The following PARD3 variants were observed in gnomAD, a reference collection of about 807,000 sequenced individuals.
PARD3 encodes partitioning defective 3 homolog.
PARD3 carries 75 observed loss-of-function variants against 155.4 expected under a neutral mutation model. The observed-to-expected ratio is 0.48, with a 90% CI of 0.40 to 0.58. PARD3 has a LOEUF of 0.58. Ranked by LOEUF, PARD3 falls within the 20% of genes least tolerant of loss-of-function variation. The pLI is 0.00. For missense variants in PARD3, 1,642 were observed against 1,721.7 expected (o/e 0.95, Z 0.82); for synonymous variants, 576 against 610.5 (o/e 0.94, Z 0.83).
At chr10:34,537,724 T>C (rs1260629725) in intron 2 of PARD3, among the ~76,000 whole-genome samples, 1 of 152,174 alleles carries the variant, frequency 6.6e-6, no homozygotes, top group East Asian at 1.9e-4. Flanking sequence ...TGCTTAGACA[T>C]CTAAAATCAG....
intron 2 of PARD3, among the ~76,000 whole-genome samples, chr10:34,540,352 C>A (rs1370683075): frequency 1.3e-5 from 2 of 151,058 alleles, no homozygotes; most frequent in Admixed American, 6.6e-5. Flanking sequence ...AAATGCCAAA[C>A]ATAGTATCTG....
intron 22 of PARD3, among the ~76,000 whole-genome samples, chr10:34,201,222 A>G (rs1951194347): frequency 2.0e-5 from 3 of 152,208 alleles, no homozygotes; most frequent in African/African-American, 7.2e-5. Flanking sequence ...CTGAGGATAA[A>G]GGGAACCAAG....
chr10:34,693,656 A>G (rs1217899999), intron 2 of PARD3, among the ~76,000 whole-genome samples: 2 of 152,108 alleles, frequency 1.3e-5, no homozygotes, highest in African/African-American at 4.8e-5. Context: ...CCCCTATGAC[A>G]CTCAATTTAC....
chr10:34,270,407 T>C (rs1215007937), intron 21 of PARD3, among the ~76,000 whole-genome samples: 1 of 152,110 alleles, frequency 6.6e-6, no homozygotes. Context: ...CCTCCCAAAG[T>C]GCTGGGATTA....
At chr10:34,465,499 C>A (rs144976422) in intron 4 of PARD3, among the ~76,000 whole-genome samples, 4 of 152,088 alleles carry the variant, frequency 2.6e-5, no homozygotes, top group Admixed American at 2.0e-4. Context: ...GGAAAGATAG[C>A]AAACATGCTA....
intron 19 of PARD3, among the ~76,000 whole-genome samples, chr10:34,320,261 A>C (rs529025649): frequency 1.3e-5 from 2 of 152,312 alleles, no homozygotes; most frequent in South Asian, 4.1e-4. Context: ...ACTAGCCACA[A>C]TCTGACTACA....
chr10:34,597,448 G>C lies in PARD3; in HGVS notation c.223-80289C>G, dbSNP rs148370541. ...TATTTACTATTATTATTATTTTTGA[G>C]ACAAGGTCTCACTGTGTCACCCAGG... On this transcript the variant is annotated intron_variant, in intron 2 of 24. Transcript: ENST00000374788. 7.3e-3 allele frequency among the ~76,000 whole-genome samples: 1,103 copies of C among 151,288 alleles called. 13 individuals carry two copies. The highest frequency in any genetic ancestry group is 0.026 in the African/African-American group (1,055 of 41,140).
intron 1 of PARD3, among the ~76,000 whole-genome samples, chr10:34,698,132 T>C (rs535509223): frequency 6.6e-6 from 1 of 151,804 alleles, no homozygotes; most frequent in South Asian, 2.1e-4. Flanking sequence ...TCTAAAATAC[T>C]TCCACACACA....
At chr10:34,655,267 A>G (rs992869542) in intron 2 of PARD3, among the ~76,000 whole-genome samples, 1 of 152,172 alleles carries the variant, frequency 6.6e-6, no homozygotes, top group Non-Finnish European at 1.5e-5. Flanking sequence ...ATAAAGGTAT[A>G]TATGAGTTTC....
At chr10:34,746,712 T>A (rs1329891899) in intron 1 of PARD3, among the ~76,000 whole-genome samples, 1 of 152,214 alleles carries the variant, frequency 6.6e-6, no homozygotes, top group Non-Finnish European at 1.5e-5. Flanking sequence ...ACATACCCAA[T>A]TTCCTTTCTG....
At chr10:34,561,579 C>T (rs941289572) in intron 2 of PARD3, among the ~76,000 whole-genome samples, 5 of 151,580 alleles carry the variant, frequency 3.3e-5, no homozygotes, top group African/African-American at 9.7e-5. Flanking sequence ...AGTGCAATGG[C>T]GCGATCTCGG....
chr10:34,223,826 C>A (rs1349670100), intron 22 of PARD3, among the ~76,000 whole-genome samples: 2 of 152,158 alleles, frequency 1.3e-5, no homozygotes, highest in Non-Finnish European at 2.9e-5. Flanking sequence ...GTGAACACTG[C>A]TTGTATTGAA....
At chr10:34,609,892 C>T (rs72798446) in intron 2 of PARD3, among the ~76,000 whole-genome samples, 1 of 152,100 alleles carries the variant, frequency 6.6e-6, no homozygotes, top group Non-Finnish European at 1.5e-5. Context: ...AGGCAATAAA[C>T]TATGAGACGA....
At chr10:34,711,276 T>C (rs2094445713) in intron 1 of PARD3, among the ~76,000 whole-genome samples, 1 of 152,222 alleles carries the variant, frequency 6.6e-6, no homozygotes, top group African/African-American at 2.4e-5. Flanking sequence ...TCCCAGCACT[T>C]TGGGAGGCCA....
chr10:34,438,228 A>G (rs1204666224), intron 5 of PARD3, among the ~76,000 whole-genome samples: 1 of 152,258 alleles, frequency 6.6e-6, no homozygotes, highest in Non-Finnish European at 1.5e-5. Flanking sequence ...TATGCACAAG[A>G]AAGGCTGTGC....
rs930578955 is a variant in PARD3, at chr10:34,509,870, G to A, written c.403+7109C>T. Among the ~76,000 whole-genome samples, 5 of 152,150 alleles carry A rather than the reference G, an allele frequency of 3.3e-5. No individual in the cohort carries two copies. The South Asian group carries it at 8.3e-4, about 25-fold the overall frequency. ...AACTGTGCATAAAAACTTCCAGGAT[G>A]ACAAAGCACAGTTTAATACAGCAGC... On this transcript the variant is annotated intron_variant, in intron 3 of 24. Coordinates refer to ENST00000374788, the MANE Select transcript of PARD3 (RefSeq NM_001184785.2).
chr10:34,668,091 T>C (rs1478754296), intron 2 of PARD3, among the ~76,000 whole-genome samples: 1 of 152,056 alleles, frequency 6.6e-6, no homozygotes, highest in Non-Finnish European at 1.5e-5. Context: ...AGCAAGACAG[T>C]AACTACCACG....
At chr10:34,119,514 TG>T in intron 24 of PARD3, 98 bp downstream of exon 24, 1 of 1,242,832 alleles carries the variant, frequency 8.0e-7, no homozygotes, top group Non-Finnish European at 1.1e-6. Context: ...AGGGGCAAGC[TG>T]GAGAGGCCCC....
chr10:34,666,220 A>AAG (rs1357184602), intron 2 of PARD3, among the ~76,000 whole-genome samples: 2 of 72,458 alleles, frequency 2.8e-5, no homozygotes, highest in South Asian at 1.3e-3. Context: ...ATCTTATCAA[A>AAG]AAAAAAAAAG....
Sources: gnomAD v4.1 joint callset for allele counts (sites outside exome capture counted in the v4.1 genomes callset) on GRCh38, gnomAD v4.1.1 for gene constraint, MANE v1.5 for transcripts, NCBI Gene and HGNC (gene_info 2026-07-23, HGNC 2026-07-21) for gene names.